The following NPHP4 variants were observed in gnomAD, a reference collection of about 807,000 sequenced individuals.
The protein encoded by NPHP4 is nephrocystin 4, also known as nephrocystin-4.
Under a neutral mutation model 155.8 loss-of-function variants are expected in NPHP4, and 151 were observed. The ratio of observed to expected loss-of-function variants is 0.97; its 90% CI spans 0.85 to 1.11. NPHP4 has a LOEUF of 1.11. Among genes scored for constraint, NPHP4 ranks in the 50% least tolerant of loss-of-function variants. The pLI is 0.00. For synonymous variants in NPHP4, 845 were observed against 816.8 expected, an observed-to-expected ratio of 1.03 and a Z score of -0.59; for missense variants, 1,956 against 1,925.7, an observed-to-expected ratio of 1.02 and a Z score of -0.29.
Position 5,910,110 on chromosome 1 carries a change from T to C in NPHP4, c.1442-897A>G, listed in dbSNP as rs1033198652. On this transcript the variant is annotated intron_variant, in intron 11 of 29. Transcript: ENST00000378156. This position sits in a 1 kb window ranked among gnomAD's most constrained non-coding sequence, Gnocchi z 5.4. ...ACTCGTCTCTTACGGTCATTTCACA[T>C]ACACTGCCATTTGCCTTTGCCCACC... Among the ~76,000 whole-genome samples, 7 of 152,150 alleles carry C rather than the reference T, an allele frequency of 4.6e-5. No individual in the cohort carries two copies. Among genetic ancestry groups the C allele is most frequent in the African/African-American group, 9.7e-5 (4 of 41,422 alleles).
At chr1:5,883,285 CAT>C (rs1643474316) in intron 18 of NPHP4, among the ~76,000 whole-genome samples, 1 of 152,148 alleles carries the variant, frequency 6.6e-6, no homozygotes, top group African/African-American at 2.4e-5. Flanking sequence ...CTGCCCTCCA[CAT>C]GACGAGGAGA....
chr1:5,914,990 A>T (rs114539885), intron 11 of NPHP4, among the ~76,000 whole-genome samples: 2 of 152,216 alleles, frequency 1.3e-5, no homozygotes, highest in African/African-American at 4.8e-5. Context: ...CTGAGCAAAC[A>T]GGGGTCAGCA....
chr1:5,990,386 A>G (rs1044433374), intron 1 of NPHP4, among the ~76,000 whole-genome samples: 1 of 152,144 alleles, frequency 6.6e-6, no homozygotes, highest in Non-Finnish European at 1.5e-5. Context: ...ACAATAAAAG[A>G]GAAAATCGAG....
At chr1:5,864,733 TAAG>T in intron 27 of NPHP4, 1 of 545,180 alleles carries the variant, frequency 1.8e-6, no homozygotes, top group Non-Finnish European at 3.2e-6. Context: ...GACTATTCCC[TAAG>T]CGCTGCCTCC....
At chr1:5,909,082 G>A (rs1298821127) in intron 12 of NPHP4, 70 bp downstream of exon 12, 3 of 1,274,836 alleles carry the variant, frequency 2.4e-6, no homozygotes, top group African/African-American at 3.0e-5. Context: ...GCTTAAGGGG[G>A]GACAGAGGGT....
intron 19 of NPHP4, among the ~76,000 whole-genome samples, chr1:5,879,849 G>A (rs915766572): frequency 1.5e-5 from 2 of 131,356 alleles, no homozygotes; most frequent in African/African-American, 3.3e-5. Flanking sequence ...ACACAGACAC[G>A]CACACAGACA....
At chr1:5,875,495 C>G (rs371063575) in intron 20 of NPHP4, among the ~76,000 whole-genome samples, 30 of 152,350 alleles carry the variant, frequency 2.0e-4, no homozygotes, top group African/African-American at 6.7e-4. Flanking sequence ...CTTTGGGAGC[C>G]CTGCCTGGGC....
At position 5,867,507 on chromosome 1, in the gene NPHP4, AT is replaced by A. The variant is rs1172658919; in HGVS notation, c.3472+232del. On this transcript the variant is annotated intron_variant, in intron 24 of 29. Coordinates refer to ENST00000378156, the MANE Select transcript of NPHP4 (RefSeq NM_015102.5). This position sits in a 1 kb window ranked among gnomAD's most constrained non-coding sequence, Gnocchi z 4.1. ...CTGGACCTGGGCCGCGGGAGCTGGG[AT>A]TTTTTAGAAGGGCAGACTCAGCCGG... is the stretch of plus-strand genomic sequence containing the variant. The A allele has an allele frequency of 1.7e-6, 1 of 586,290 alleles. No homozygotes were observed. The highest frequency in any genetic ancestry group is 2.9e-5 in the East Asian group (1 of 34,988). 36.3% of individuals were successfully genotyped at this position (586,290 alleles called of 1,614,324 possible).
At chr1:5,908,727 C>T (rs531500118) in intron 12 of NPHP4, among the ~76,000 whole-genome samples, 85 of 152,330 alleles carry the variant, frequency 5.6e-4, no homozygotes, top group Non-Finnish European at 9.0e-4. Flanking sequence ...CCACCAGCAT[C>T]GGCTGCTTGG....
At chr1:5,982,658 C>G (rs1257534881) in intron 2 of NPHP4, among the ~76,000 whole-genome samples, 1 of 151,930 alleles carries the variant, frequency 6.6e-6, no homozygotes, top group Admixed American at 6.6e-5. Context: ...GATTTTATAC[C>G]TTCTTCTTTT....
chr1:5,905,397 G>A lies in NPHP4; in HGVS notation c.1850C>T (p.Ala617Val), dbSNP rs190522911. 116 of 1,613,406 alleles carry A rather than the reference G, an allele frequency of 7.2e-5. No homozygotes were observed. In the African/African-American group the frequency reaches 1.4e-3, roughly 20 times the overall value. ...PEILDANKQP[A>V]EAVSATEPVT... ...AGGTTCTGTAGCGCTGACAGCCTCG[G>A]CTGGCTGTTTATTGGCATCCAGAAT... Residue 617 changes from alanine to valine, a missense_variant, in exon 15 of 30, where the codon GCC becomes GTC. Physicochemically the swap from Ala to Val is moderately conservative, Grantham distance 64. Coordinates refer to ENST00000378156, the MANE Select transcript of NPHP4 (RefSeq NM_015102.5). This position sits in a 1 kb window ranked among gnomAD's most constrained non-coding sequence, Gnocchi z 4.0.
chr1:5,906,774 C>T (rs2101163735), intron 13 of NPHP4, among the ~76,000 whole-genome samples: 1 of 152,316 alleles, frequency 6.6e-6, no homozygotes, highest in Middle Eastern at 3.4e-3. Context: ...GTGCTGGGTG[C>T]CTGTCTCAGC....
chr1:5,944,228 A>G lies in NPHP4; in HGVS notation c.1119+2876T>C, dbSNP rs1363676705. Among the ~76,000 whole-genome samples, 2 of 152,216 alleles carry G rather than the reference A, an allele frequency of 1.3e-5. No individual in the cohort carries two copies. Among genetic ancestry groups the G allele is most frequent in the Non-Finnish European group, 2.9e-5 (2 of 68,036 alleles). On this transcript the variant is annotated intron_variant, in intron 9 of 29. Coordinates refer to ENST00000378156, the MANE Select transcript of NPHP4 (RefSeq NM_015102.5). This position sits in a 1 kb window ranked among gnomAD's most constrained non-coding sequence, Gnocchi z 4.3. The stretch of plus-strand genomic sequence containing the variant: ...CCAGCCTGTTTTCAGCTGTGCTTAC[A>G]GCTTCCACCACGCAGGGTCCTCACC...
At chr1:5,925,614 T>G (rs1481237579) in intron 11 of NPHP4, among the ~76,000 whole-genome samples, 1 of 151,784 alleles carries the variant, frequency 6.6e-6, no homozygotes, top group Non-Finnish European at 1.5e-5. Context: ...TTTTTTTTTG[T>G]TTGTTTTGTT....
chr1:5,961,685 G>C, intron 6 of NPHP4, 109 bp downstream of exon 6: 1 of 1,011,504 alleles, frequency 9.9e-7, no homozygotes, highest in Non-Finnish European at 1.5e-6. Context: ...GAGCTGCAGA[G>C]GGGCGCTCGG....
At chr1:5,914,639 C>G (rs778549960) in intron 11 of NPHP4, among the ~76,000 whole-genome samples, 6 of 152,170 alleles carry the variant, frequency 3.9e-5, no homozygotes, top group African/African-American at 1.4e-4. Context: ...TACTTTCCCA[C>G]GTCCATAGAT....
At chr1:5,915,435 C>T (rs1645422450) in intron 11 of NPHP4, among the ~76,000 whole-genome samples, 1 of 152,134 alleles carries the variant, frequency 6.6e-6, no homozygotes, top group South Asian at 2.1e-4. Context: ...ACATGGCAAA[C>T]CCACTTGAAA....
At chr1:5,887,023 T>C (rs1643864134) in intron 18 of NPHP4, 1 of 458,686 alleles carries the variant, frequency 2.2e-6, no homozygotes, top group East Asian at 3.5e-5. Context: ...CCTCCAGGGA[T>C]AGCAACAAAC....
At chr1:5,896,721 C>T (rs1644411469) in intron 16 of NPHP4, among the ~76,000 whole-genome samples, 1 of 152,108 alleles carries the variant, frequency 6.6e-6, no homozygotes, top group South Asian at 2.1e-4. Flanking sequence ...ATCAAAGCAC[C>T]CCATATCCTG....
Sources: gnomAD v4.1 joint callset for allele counts (sites outside exome capture counted in the v4.1 genomes callset) on GRCh38, gnomAD v4.1.1 for gene constraint, Gnocchi (gnomAD v3.1) non-coding constraint, MANE v1.5 for transcripts, NCBI Gene and HGNC (gene_info 2026-07-23, HGNC 2026-07-21) for gene names.